The following DRC1 variants were observed in gnomAD, a reference collection of about 807,000 sequenced individuals.
The protein encoded by DRC1 is dynein regulatory complex protein 1.
DRC1 carries 74 observed loss-of-function variants against 98.7 expected under a neutral mutation model. The ratio of observed to expected loss-of-function variants is 0.75; its 90% CI spans 0.62 to 0.91. DRC1 has a LOEUF of 0.91. Ranked by LOEUF, DRC1 falls within the 40% of genes least tolerant of loss-of-function variation. The pLI, the probability that DRC1 is intolerant of heterozygous loss-of-function variation, is 0.00. For synonymous variants in DRC1, 336 were observed against 334.1 expected (o/e 1.01, Z -0.06); for missense variants, 875 against 886.0 (o/e 0.99, Z 0.16).
intron 7 of DRC1, among the ~76,000 whole-genome samples, chr2:26,438,087 C>CAAAAA (rs61571007): frequency 4.0e-5 from 2 of 50,094 alleles, no homozygotes; most frequent in Admixed American, 2.1e-4. Flanking sequence ...GACTCTATCT[C>CAAAAA]AAAAAAAAAA....
At chr2:26,410,926 C>T (rs1678588166) in intron 1 of DRC1, among the ~76,000 whole-genome samples, 1 of 152,252 alleles carries the variant, frequency 6.6e-6, no homozygotes, top group Non-Finnish European at 1.5e-5. Flanking sequence ...TCAGGTTTCT[C>T]AGTTAGCAAC....
intron 4 of DRC1, among the ~76,000 whole-genome samples, chr2:26,425,735 A>G (rs906824260): frequency 7.1e-4 from 108 of 152,158 alleles, no homozygotes; most frequent in Non-Finnish European, 3.8e-4. Flanking sequence ...AGAAATGTCT[A>G]TTTAAATCCT....
chr2:26,454,869 C>T lies in DRC1; in HGVS notation c.2063+79C>T. On this transcript the variant is annotated intron_variant, in intron 15 of 16. Coordinates refer to ENST00000288710, the MANE Select transcript of DRC1 (RefSeq NM_145038.5). The surrounding 1 kb of genome is among the most constrained non-coding windows in gnomAD (Gnocchi z 5.2). Reference sequence around the variant, plus strand: ...TTGTTGGGAGCAGCCGCGTTTGCTGCCTCCCTGTCCCACTGAACCTGGGAG... The same window carrying T: ...TTGTTGGGAGCAGCCGCGTTTGCTGTCTCCCTGTCCCACTGAACCTGGGAG... The T allele has an allele frequency of 6.9e-6, 11 of 1,591,432 alleles. No individual in the cohort carries two copies. The highest frequency in any genetic ancestry group is 1.3e-5 in the African/African-American group (1 of 74,758).
intron 2 of DRC1, among the ~76,000 whole-genome samples, chr2:26,415,185 C>A (rs891690798): frequency 6.6e-6 from 1 of 152,206 alleles, no homozygotes; most frequent in South Asian, 2.1e-4. Context: ...CCCTCCATGG[C>A]GATGAAACAG....
intron 13 of DRC1, among the ~76,000 whole-genome samples, chr2:26,452,377 T>A (rs1217629014): frequency 6.6e-6 from 1 of 152,158 alleles, no homozygotes; most frequent in Non-Finnish European, 1.5e-5. Context: ...TGCCTCAGCC[T>A]CCTGAGTAGC....
intron 13 of DRC1, among the ~76,000 whole-genome samples, chr2:26,452,634 C>G (rs770800218): frequency 1.3e-5 from 2 of 152,154 alleles, no homozygotes; most frequent in Non-Finnish European, 2.9e-5. Flanking sequence ...TTCGAAACAA[C>G]CTATATGTCC....
chr2:26,447,109 A>C (rs1013995466), intron 10 of DRC1, among the ~76,000 whole-genome samples: 8 of 150,262 alleles, frequency 5.3e-5, no homozygotes, highest in Non-Finnish European at 8.9e-5. Flanking sequence ...AAAAATAATA[A>C]AAATTAAAAA....
chr2:26,424,497 C>T (rs1191824344), intron 4 of DRC1, 43 bp downstream of exon 4: 2 of 1,565,186 alleles, frequency 1.3e-6, no homozygotes, highest in Non-Finnish European at 1.7e-6. Context: ...GGGGATCTGC[C>T]TGGGATTTAG....
Position 26,450,036 on chromosome 2 carries a change from C to G in DRC1, c.1550C>G (p.Pro517Arg), listed in dbSNP as rs765436993. Residue 517 changes from proline to arginine, a missense_variant, in exon 12 of 17, where the codon CCC becomes CGC. Transcript: ENST00000288710. ...AGCAAGCTGCTGAGCCTTCTCCTGC[C>G]CCTGGAGCAGAATGAATGCTATCTG... ...IESKLLSLLL[P>R]LEQNECYLLR... The G allele has an allele frequency of 3.7e-6, 6 of 1,613,748 alleles. No homozygotes were observed. The African/African-American group carries it at 8.0e-5, about 22-fold the overall frequency.
intron 5 of DRC1, chr2:26,430,427 A>G: frequency 4.5e-6 from 2 of 449,206 alleles, no homozygotes; most frequent in South Asian, 3.4e-5. Flanking sequence ...GGGATCCCCA[A>G]CCATGGCAAC....
intron 10 of DRC1, among the ~76,000 whole-genome samples, chr2:26,446,692 C>T (rs1021456693): frequency 1.3e-5 from 2 of 152,100 alleles, no homozygotes; most frequent in Non-Finnish European, 2.9e-5. Flanking sequence ...AAATATCAGC[C>T]CTGCCACCAA....
chr2:26,455,053 CA>C, intron 15 of DRC1, 77 bp from the exon 16 acceptor site: 3 of 1,535,442 alleles, frequency 2.0e-6, no homozygotes, highest in Non-Finnish European at 2.7e-6. Flanking sequence ...AGCCAAAGTA[CA>C]ACCACCAAGA....
In DRC1 at chr2:26,454,704, G is replaced by A. The variant is rs368854171; in HGVS notation, c.1977G>A (p.Ser659=). The A allele has an allele frequency of 3.9e-5, 63 of 1,614,000 alleles. 1 individual carries two copies. The highest frequency in any genetic ancestry group is 5.5e-5 in the South Asian group (5 of 91,074). Residue 659 remains serine, a synonymous_variant, in exon 15 of 17, where the codon TCG becomes TCA. Transcript: ENST00000288710. The surrounding 1 kb of genome is among the most constrained non-coding windows in gnomAD (Gnocchi z 5.2). ...ATGTGCGTGACAACTCCAAGGACTCGGAGTACTGGCAGGCCCTGACCACAG... is the reference window on the plus strand; with the variant it reads ...ATGTGCGTGACAACTCCAAGGACTCAGAGTACTGGCAGGCCCTGACCACAG... ...QKNVRDNSKD[S]EYWQALTTVI...
chr2:26,432,069 T>A, intron 7 of DRC1, 63 bp downstream of exon 7: 2 of 1,564,690 alleles, frequency 1.3e-6, no homozygotes, highest in Non-Finnish European at 1.7e-6. Flanking sequence ...CACCTGTGAA[T>A]GTTTCATATT....
At chr2:26,410,600 G>T (rs1678575045) in intron 1 of DRC1, among the ~76,000 whole-genome samples, 1 of 152,020 alleles carries the variant, frequency 6.6e-6, no homozygotes, top group Non-Finnish European at 1.5e-5. Context: ...TTAATTAGAA[G>T]ATATTATCAC....
chr2:26,425,643 T>C (rs545974138), intron 4 of DRC1, among the ~76,000 whole-genome samples: 2 of 152,308 alleles, frequency 1.3e-5, no homozygotes, highest in African/African-American at 4.8e-5. Flanking sequence ...CTCATTATGG[T>C]TTGGATTTGC....
intron 6 of DRC1, 86 bp downstream of exon 6, chr2:26,430,958 CTTTTT>C (rs5830013): frequency 3.1e-4 from 106 of 344,664 alleles, no homozygotes; most frequent in South Asian, 1.1e-3. Context: ...CTTTTTCTAT[CTTTTT>C]TTTTTTTTTT....
chr2:26,430,728 C>G, intron 5 of DRC1, 58 bp from the exon 6 acceptor site: 2 of 1,568,944 alleles, frequency 1.3e-6, no homozygotes, highest in Non-Finnish European at 1.8e-6. Context: ...TTCTTTGACA[C>G]TGGTGGGACC....
At chr2:26,434,752 G>A (rs1663527401) in intron 7 of DRC1, among the ~76,000 whole-genome samples, 1 of 152,136 alleles carries the variant, frequency 6.6e-6, no homozygotes, top group Admixed American at 6.5e-5. Flanking sequence ...TTAGCCGGGT[G>A]TGGTGGCGGG....
Sources: allele counts gnomAD v4.1 joint callset (sites outside exome capture counted in the v4.1 genomes callset), GRCh38; gene constraint gnomAD v4.1.1; non-coding constraint Gnocchi (gnomAD v3.1); transcripts MANE v1.5; gene names NCBI Gene and HGNC (gene_info 2026-07-23, HGNC 2026-07-21).